Variants in C8B observed in about 807,000 individuals in gnomAD.
C8B encodes complement C8 beta chain.
Under a neutral mutation model 64.6 loss-of-function variants are expected in C8B, and 67 were observed. The observed-to-expected ratio is 1.04, with a 90% CI of 0.85 to 1.27. The LOEUF is 1.27. Ranked by LOEUF, C8B falls within the 50% of genes most tolerant of loss-of-function variation. The pLI is 0.00. For synonymous variants in C8B, 284 were observed against 257.7 expected (o/e 1.10, Z -0.98); for missense variants, 790 against 725.2 (o/e 1.09, Z -1.03).
In C8B at chr1:56,954,765, C is replaced by T. The variant is rs769588709; in HGVS notation, c.454G>A (p.Glu152Lys). The change falls in exon 4 of 12, where the codon GAA (glutamate) becomes AAA (lysine). Residue 152 changes from glutamate (E) to lysine (K), a missense_variant. By Grantham distance (56) the Glu-to-Lys change is moderately conservative (BLOSUM62 1). Transcript: ENST00000371237. ...GDNDCGDQSD[E>K]ANCRRIYKKC... ...TTATAAATCCTTCTACAGTTTGCTT[C>T]ATCTGACTGGTCTCCACAGTCATTG... 6.2e-7 allele frequency: 1 copy of T among 1,614,166 alleles called. No homozygotes were observed. Among genetic ancestry groups the T allele is most frequent in the Non-Finnish European group, 8.5e-7 (1 of 1,180,004 alleles).
chr1:56,933,885 T>C (rs1367950096), intron 9 of C8B, among the ~76,000 whole-genome samples: 1 of 152,168 alleles, frequency 6.6e-6, no homozygotes, highest in Non-Finnish European at 1.5e-5. Flanking sequence ...GGATGCTTCA[T>C]CTATCTTTGG....
chr1:56,943,896 C>T (rs1335397591), intron 7 of C8B, 72 bp from the exon 8 acceptor site: 3 of 1,561,618 alleles, frequency 1.9e-6, no homozygotes, highest in Non-Finnish European at 2.6e-6. Context: ...ATGATCGAGT[C>T]CAGAGGCCTA....
chr1:56,953,554 T>C (rs1363027506), intron 4 of C8B, among the ~76,000 whole-genome samples: 2 of 152,216 alleles, frequency 1.3e-5, no homozygotes, highest in Non-Finnish European at 2.9e-5. Flanking sequence ...CTTTGAAATC[T>C]GACAGTGGAG....
chr1:56,956,666 C>A, intron 3 of C8B, 103 bp downstream of exon 3: 1 of 1,310,132 alleles, frequency 7.6e-7, no homozygotes, highest in Non-Finnish European at 1.1e-6. Flanking sequence ...CTGAGCTGCC[C>A]CATGACCCTG....
chr1:56,946,879 T>C (rs907708829), intron 6 of C8B, among the ~76,000 whole-genome samples: 1 of 152,220 alleles, frequency 6.6e-6, no homozygotes, highest in African/African-American at 2.4e-5. Context: ...CCTTCAGTTC[T>C]ACAAAGCCAT....
At chr1:56,956,035 C>A (rs1645097909) in intron 3 of C8B, among the ~76,000 whole-genome samples, 1 of 152,174 alleles carries the variant, frequency 6.6e-6, no homozygotes, top group African/African-American at 2.4e-5. Context: ...GTCAGTCTAT[C>A]CATCTGTCCT....
rs567864597 is a variant in C8B at position 56,962,170 on chromosome 1, A to G, written c.93-1994T>C. ...ATTATTTTCGTCTCTGAGATTTGAA[A>G]GCCTGTTAATGGGCAAGATGATCAC... On this transcript the variant is annotated intron_variant, in intron 1 of 11. Transcript: ENST00000371237. Among the ~76,000 whole-genome samples the G allele has an allele frequency of 6.6e-5, 10 of 152,354 alleles. No individual in the cohort carries two copies. In the South Asian group the frequency reaches 1.7e-3, roughly 25 times the overall value.
rs771069211 is a variant in C8B, at chr1:56,943,682, C to A, written c.1234+14G>T. 1 of 1,613,884 alleles carries A rather than the reference C, an allele frequency of 6.2e-7. No individual in the cohort carries two copies. The highest frequency in any genetic ancestry group is 1.1e-5 in the South Asian group (1 of 91,082). ...ACATTATAAGTGTGGAAGTCACAAG[C>A]CCCTGTCACTCACCTTTTATTTCAT... On this transcript the variant is annotated intron_variant, in intron 8 of 11. Coordinates refer to ENST00000371237, the MANE Select transcript of C8B (RefSeq NM_000066.4).
chr1:56,943,924 A>T, intron 7 of C8B, 100 bp from the exon 8 acceptor site: 2 of 1,394,034 alleles, frequency 1.4e-6, no homozygotes, highest in Non-Finnish European at 2.0e-6. Flanking sequence ...TGAATGTCAC[A>T]AGGACTCGGG....
intron 5 of C8B, 97 bp from the exon 6 acceptor site, chr1:56,949,849 A>C (rs1363576487): frequency 4.8e-6 from 4 of 837,734 alleles, no homozygotes; most frequent in Admixed American, 2.0e-5. Context: ...CATGTGCTGG[A>C]TACTGAACTA....
chr1:56,932,012 C>T (rs1644709300), intron 10 of C8B, 134 bp from the exon 11 acceptor site: 3 of 690,942 alleles, frequency 4.3e-6, no homozygotes, highest in Non-Finnish European at 7.8e-6. Context: ...TTGCTATAGG[C>T]AGGTTCAGGG....
At chr1:56,949,859 AGAT>A in intron 5 of C8B, 107 bp from the exon 6 acceptor site, 1 of 806,014 alleles carries the variant, frequency 1.2e-6, no homozygotes. Flanking sequence ...ATACTGAACT[AGAT>A]GCTCTGGATA....
At chr1:56,944,548 T>C (rs1354554651) in intron 7 of C8B, among the ~76,000 whole-genome samples, 1 of 152,220 alleles carries the variant, frequency 6.6e-6, no homozygotes, top group African/African-American at 2.4e-5. Context: ...GCAGATGTTA[T>C]GAGAAAAGGA....
rs968587292 is a variant in C8B, at chr1:56,949,550, C to A, written c.864+5G>T. 1 of 1,612,200 alleles carries A rather than the reference C, an allele frequency of 6.2e-7. No individual in the cohort carries two copies. Among genetic ancestry groups the A allele is most frequent in the African/African-American group, 1.3e-5 (1 of 74,858 alleles). On this transcript the variant is annotated splice_donor_5th_base_variant and intron_variant, in intron 6 of 11. Coordinates refer to ENST00000371237, the MANE Select transcript of C8B (RefSeq NM_000066.4). Reference sequence around the variant, plus strand: ...TACGTTTAAAAGCAACAAAGACATACTTACAGTATGAGAGAATCGTTTGGT... The same window carrying A: ...TACGTTTAAAAGCAACAAAGACATAATTACAGTATGAGAGAATCGTTTGGT...
intron 5 of C8B, among the ~76,000 whole-genome samples, chr1:56,950,487 G>A (rs1241471991): frequency 6.6e-6 from 1 of 152,186 alleles, no homozygotes; most frequent in African/African-American, 2.4e-5. Flanking sequence ...CAAGGGTACT[G>A]CCCTGGGGGC....
chr1:56,935,077 G>T (rs935566676), intron 9 of C8B, among the ~76,000 whole-genome samples: 1 of 152,204 alleles, frequency 6.6e-6, no homozygotes, highest in African/African-American at 2.4e-5. Context: ...TTCAGGTCAG[G>T]CTAAGTAATT....
intron 6 of C8B, among the ~76,000 whole-genome samples, chr1:56,948,370 G>C (rs1181084760): frequency 6.6e-6 from 1 of 152,156 alleles, no homozygotes; most frequent in African/African-American, 2.4e-5. Context: ...CAACAGATGT[G>C]GACATGAAGC....
chr1:56,935,789 C>T (rs1258660654), intron 9 of C8B, among the ~76,000 whole-genome samples: 1 of 152,144 alleles, frequency 6.6e-6, no homozygotes, highest in Non-Finnish European at 1.5e-5. Flanking sequence ...AAGGGTGTGA[C>T]CTGTTAACCC....
intron 1 of C8B, chr1:56,963,906 A>C (rs943053335): frequency 2.0e-6 from 2 of 984,976 alleles, no homozygotes; most frequent in African/African-American, 1.7e-5. Context: ...AGAACAAAAA[A>C]CTCTTTTGGC....
Sources: gnomAD v4.1 joint callset for allele counts (sites outside exome capture counted in the v4.1 genomes callset) on GRCh38, gnomAD v4.1.1 for gene constraint, MANE v1.5 for transcripts, NCBI Gene and HGNC (gene_info 2026-07-23, HGNC 2026-07-21) for gene names.